SLC25A13: variants seen among roughly 807,000 people sequenced by gnomAD.
The protein encoded by SLC25A13 is solute carrier family 25 member 13.
SLC25A13 carries 70 observed loss-of-function variants against 85.5 expected under a neutral mutation model. The observed-to-expected ratio is 0.82, with a 90% CI of 0.68 to 1.00. The LOEUF (loss-of-function observed/expected upper bound fraction) is 1.00, where lower values mean the gene tolerates loss of function less well. SLC25A13 is among the 50% of genes least tolerant of loss of function. SLC25A13 has a pLI of 0.00. For missense variants in SLC25A13, 765 were observed against 819.8 expected (o/e 0.93, Z 0.82); for synonymous variants, 259 against 288.7 (o/e 0.90, Z 1.04).
intron 4 of SLC25A13, among the ~76,000 whole-genome samples, chr7:96,221,297 T>C (rs1234811634): frequency 4.6e-5 from 7 of 152,244 alleles, no homozygotes; most frequent in Non-Finnish European, 1.0e-4. Context: ...ACTCATACTG[T>C]TCTTATTCGA....
Position 96,293,015 on chromosome 7 carries a change from C to T in SLC25A13, c.69+3883G>A, listed in dbSNP as rs573964404. 5.8e-4 allele frequency among the ~76,000 whole-genome samples: 89 copies of T among 152,332 alleles called. 1 individual carries two copies. The highest frequency in any genetic ancestry group is 1.2e-3 in the Non-Finnish European group (80 of 68,030). On this transcript the variant is annotated intron_variant, in intron 2 of 17. Transcript: ENST00000265631. ...GAACAAAGCCAGAGGCGTCACGTTA[C>T]CTGACTTCAAACTATACTACAAAGC...
chr7:96,212,691 T>C (rs7804690), intron 4 of SLC25A13, among the ~76,000 whole-genome samples: 12,648 of 152,206 alleles, frequency 0.083, 723 homozygotes, highest in South Asian at 0.15. Flanking sequence ...TGAGACATGA[T>C]AGATCCTGCT....
intron 15 of SLC25A13, among the ~76,000 whole-genome samples, chr7:96,128,245 T>G (rs1177892519): frequency 6.6e-6 from 1 of 152,250 alleles, no homozygotes; most frequent in Non-Finnish European, 1.5e-5. Context: ...AAATAATCAT[T>G]TATAAATAAT....
chr7:96,190,796 A>G (rs1794819079), intron 7 of SLC25A13, among the ~76,000 whole-genome samples: 2 of 152,044 alleles, frequency 1.3e-5, no homozygotes, highest in South Asian at 4.1e-4. Flanking sequence ...TATTTTTAGT[A>G]GAGACAGGGT....
At chr7:96,234,724 T>C (rs1308851240) in intron 4 of SLC25A13, 78 bp downstream of exon 4, 1 of 1,077,266 alleles carries the variant, frequency 9.3e-7, no homozygotes, top group East Asian at 2.4e-5. Context: ...CACTTTATTT[T>C]GTTCCTAGAA....
chr7:96,189,771 A>C, intron 7 of SLC25A13, 97 bp from the exon 8 acceptor site: 1 of 985,534 alleles, frequency 1.0e-6, no homozygotes, highest in East Asian at 2.4e-5. Context: ...ACATCACAAA[A>C]CTTTATTATT....
intron 3 of SLC25A13, among the ~76,000 whole-genome samples, chr7:96,252,486 C>CT (rs912624112): frequency 6.6e-6 from 1 of 152,158 alleles, no homozygotes; most frequent in African/African-American, 2.4e-5. Flanking sequence ...CAAATGGACT[C>CT]TCACAGAAGC....
At chr7:96,292,239 C>A (rs1460576959) in intron 2 of SLC25A13, among the ~76,000 whole-genome samples, 2 of 152,106 alleles carry the variant, frequency 1.3e-5, no homozygotes, top group African/African-American at 4.8e-5. Context: ...GCACTTCATT[C>A]TAAAAACTCT....
chr7:96,218,647 T>TA (rs1315804858), intron 4 of SLC25A13, among the ~76,000 whole-genome samples: 2 of 152,258 alleles, frequency 1.3e-5, no homozygotes, highest in Admixed American at 1.3e-4. Context: ...CTCATTAAAA[T>TA]AAAAAAGATT....
chr7:96,273,796 G>A (rs1798335349), intron 3 of SLC25A13, among the ~76,000 whole-genome samples: 1 of 151,914 alleles, frequency 6.6e-6, no homozygotes, highest in African/African-American at 2.4e-5. Context: ...AAATATTAAG[G>A]CAGATAATCC....
At chr7:96,316,808 CCT>C (rs969762772) in intron 1 of SLC25A13, among the ~76,000 whole-genome samples, 5 of 152,074 alleles carry the variant, frequency 3.3e-5, no homozygotes, top group Non-Finnish European at 7.4e-5. Context: ...GACACCTACC[CCT>C]CTCCTAAGTC....
rs530938980 is a variant in SLC25A13 at position 96,280,153 on chromosome 7, T to C, written c.70-2815A>G. Among the ~76,000 whole-genome samples, 5 of 152,320 alleles carry C rather than the reference T, an allele frequency of 3.3e-5. No individual in the cohort carries two copies. In the East Asian group the frequency reaches 5.8e-4, roughly 18 times the overall value. Reference sequence around the variant, plus strand: ...TCTACTCTTGCAAGATTACATGCTATAACTAGAGGGAAAGTTCTGTTAGGA... The same window carrying C: ...TCTACTCTTGCAAGATTACATGCTACAACTAGAGGGAAAGTTCTGTTAGGA... On this transcript the variant is annotated intron_variant, in intron 2 of 17. Coordinates refer to ENST00000265631, the MANE Select transcript of SLC25A13 (RefSeq NM_014251.3).
chr7:96,274,069 T>C (rs1483268495), intron 3 of SLC25A13, among the ~76,000 whole-genome samples: 2 of 152,190 alleles, frequency 1.3e-5, no homozygotes, highest in Admixed American at 6.6e-5. Context: ...AAGGAAACCT[T>C]CTGCCGCTGG....
chr7:96,267,467 G>T (rs1210281061), intron 3 of SLC25A13, among the ~76,000 whole-genome samples: 1 of 151,942 alleles, frequency 6.6e-6, no homozygotes, highest in Non-Finnish European at 1.5e-5. Context: ...TATTCTTCAT[G>T]CATCAAAACA....
chr7:96,219,017 G>A (rs1481954467), intron 4 of SLC25A13, among the ~76,000 whole-genome samples: 1 of 152,188 alleles, frequency 6.6e-6, no homozygotes, highest in East Asian at 1.9e-4. Context: ...GTAAGTGGAT[G>A]CAGACCTATC....
At chr7:96,139,076 G>T (rs1389471195) in intron 14 of SLC25A13, among the ~76,000 whole-genome samples, 3 of 152,130 alleles carry the variant, frequency 2.0e-5, no homozygotes, top group Non-Finnish European at 4.4e-5. Context: ...AACACATCAT[G>T]TGTACTATGT....
chr7:96,158,971 T>C (rs746887310), intron 13 of SLC25A13, among the ~76,000 whole-genome samples: 5 of 152,108 alleles, frequency 3.3e-5, no homozygotes, highest in Admixed American at 6.5e-5. Flanking sequence ...AGCTCACAGG[T>C]AAAAAAGAGA....
At chr7:96,240,102 A>AGGGAT (rs1796911977) in intron 3 of SLC25A13, among the ~76,000 whole-genome samples, 1 of 152,192 alleles carries the variant, frequency 6.6e-6, no homozygotes, top group Non-Finnish European at 1.5e-5. Flanking sequence ...CAGCTTTGCA[A>AGGGAT]GGGATAGCAC....
At chr7:96,251,842 G>A (rs1245678923) in intron 3 of SLC25A13, among the ~76,000 whole-genome samples, 2 of 152,206 alleles carry the variant, frequency 1.3e-5, no homozygotes, top group Non-Finnish European at 2.9e-5. Context: ...TTCACTAGCA[G>A]TTGGTGTAGC....
Sources: gnomAD v4.1 joint callset for allele counts (sites outside exome capture counted in the v4.1 genomes callset) on GRCh38, gnomAD v4.1.1 for gene constraint, MANE v1.5 for transcripts, NCBI Gene and HGNC (gene_info 2026-07-23, HGNC 2026-07-21) for gene names.